DMD: variants seen among roughly 807,000 people sequenced by gnomAD.
DMD encodes dystrophin, also known as mutant dystrophin.
DMD carries 63 observed loss-of-function variants against 330.1 expected under a neutral mutation model. The ratio of observed to expected loss-of-function variants is 0.19; its 90% CI spans 0.16 to 0.24. The LOEUF (loss-of-function observed/expected upper bound fraction) is 0.24, where lower values mean the gene tolerates loss of function less well. Ranked by LOEUF, DMD falls within the 10% of genes least tolerant of loss-of-function variation. The pLI is 1.00. For synonymous variants in DMD, 1,223 were observed against 959.8 expected, an observed-to-expected ratio of 1.27 and a Z score of -5.07; for missense variants, 3,344 against 2,684.1, an observed-to-expected ratio of 1.25 and a Z score of -5.43.
At chrX:31,305,716 A>G (rs1362234075) in intron 62 of DMD, among the ~76,000 whole-genome samples, 1 of 112,409 alleles carries the variant, frequency 8.9e-6, no homozygotes, top group African/African-American at 3.2e-5. Flanking sequence ...GCATTATAAC[A>G]AAGCACCAGC....
intron 63 of DMD, among the ~76,000 whole-genome samples, chrX:31,254,480 C>A (rs1212564152): frequency 9.0e-6 from 1 of 111,111 alleles, no homozygotes; most frequent in Non-Finnish European, 1.9e-5. Context: ...CCTCAGCCTC[C>A]TGAGTATCTG....
Position 32,710,010 on chromosome X carries a change from G to T in DMD, c.650-10717C>A, listed in dbSNP as rs1051817554. 4.5e-5 allele frequency among the ~76,000 whole-genome samples: 5 copies of T among 111,093 alleles called. No homozygotes were observed. In the East Asian group the frequency reaches 1.4e-3, roughly 31 times the overall value. On this transcript the variant is annotated intron_variant, in intron 7 of 78. Transcript: ENST00000357033. The stretch of plus-strand genomic sequence containing the variant: ...CTGAATGTAGAGTAAGACACATGTT[G>T]AAAATTGAGCACTGCTTGAAGGGGC...
intron 2 of DMD, among the ~76,000 whole-genome samples, chrX:32,881,996 A>G (rs915954057): frequency 8.9e-6 from 1 of 112,285 alleles, no homozygotes; most frequent in Non-Finnish European, 1.9e-5. Flanking sequence ...AGTTCCCTAG[A>G]CGTGCTTCTT....
intron 2 of DMD, among the ~76,000 whole-genome samples, chrX:32,937,757 T>C (rs747402139): frequency 9.1e-6 from 1 of 109,787 alleles, no homozygotes; most frequent in East Asian, 2.9e-4. Flanking sequence ...AACCTGTATC[T>C]GAACACGATG....
At chrX:31,669,221 C>T (rs893054947) in intron 53 of DMD, among the ~76,000 whole-genome samples, 9 of 112,007 alleles carry the variant, frequency 8.0e-5, no homozygotes, top group African/African-American at 2.9e-4. Context: ...TATACATTCC[C>T]ACCAATGATA....
intron 44 of DMD, among the ~76,000 whole-genome samples, chrX:32,214,884 AAAC>A (rs1305532868): frequency 5.3e-5 from 6 of 112,152 alleles, no homozygotes; most frequent in Non-Finnish European, 9.4e-5. Context: ...AGAAGCAGTT[AAAC>A]AACACACTTA....
chrX:32,313,636 G>T (rs183818661), intron 41 of DMD, among the ~76,000 whole-genome samples: 22 of 111,570 alleles, frequency 2.0e-4, no homozygotes, highest in African/African-American at 6.5e-4. Flanking sequence ...TGACATGATT[G>T]TATATTTAGA....
intron 7 of DMD, among the ~76,000 whole-genome samples, chrX:32,787,705 C>A (rs2075509097): frequency 9.5e-6 from 1 of 105,178 alleles, no homozygotes; most frequent in South Asian, 5.0e-4. Flanking sequence ...CCCACCCTCC[C>A]CACCATCATC....
chrX:31,892,499 T>G (rs2094270694), intron 47 of DMD, among the ~76,000 whole-genome samples: 1 of 111,472 alleles, frequency 9.0e-6, no homozygotes, highest in Non-Finnish European at 1.9e-5. Context: ...ATATTTTAAT[T>G]CATCCATGCA....
chrX:32,606,140 G>A (rs1383068275), intron 12 of DMD, among the ~76,000 whole-genome samples: 5 of 109,529 alleles, frequency 4.6e-5, no homozygotes, highest in Non-Finnish European at 7.7e-5. Context: ...CTTTCTAACT[G>A]TAATTTTTGT....
chrX:32,973,581 A>T (rs2092454837), intron 2 of DMD, among the ~76,000 whole-genome samples: 1 of 112,047 alleles, frequency 8.9e-6, no homozygotes. Flanking sequence ...CAACATAGCA[A>T]GTTCACATGT....
At chrX:32,713,073 AC>A (rs2065340461) in intron 7 of DMD, among the ~76,000 whole-genome samples, 1 of 111,766 alleles carries the variant, frequency 8.9e-6, no homozygotes, top group South Asian at 3.7e-4. Context: ...TCTATTCCAC[AC>A]CATTAAATTA....
At chrX:33,217,331 T>C (rs1379077452) in intron 1 of DMD, among the ~76,000 whole-genome samples, 3 of 111,700 alleles carry the variant, frequency 2.7e-5, no homozygotes, top group African/African-American at 9.7e-5. Context: ...TCACTGATGT[T>C]TTGATAGGAA....
rs749269000 is a variant in DMD at position 32,219,525 on chromosome X, AT to A, written c.6291-2463del. Among the ~76,000 whole-genome samples, 47 of 110,871 alleles carry A rather than the reference AT, an allele frequency of 4.2e-4. 1 individual carries two copies. Among genetic ancestry groups the A allele is most frequent in the Admixed American group, 1.1e-3 (11 of 10,371 alleles). Reference sequence around the variant, plus strand: ...AGTCAGAAAAATGAAATAATTTAAAATTTTTTTTTAAATGGCAGTCTCATAT... The same window carrying A: ...AGTCAGAAAAATGAAATAATTTAAAATTTTTTTTAAATGGCAGTCTCATAT... On this transcript the variant is annotated intron_variant, in intron 43 of 78. Transcript: ENST00000357033.
intron 55 of DMD, among the ~76,000 whole-genome samples, chrX:31,597,173 G>A (rs1410205909): frequency 9.0e-6 from 1 of 111,728 alleles, no homozygotes; most frequent in African/African-American, 3.3e-5. Context: ...CTGCTTTTGT[G>A]ACGCTTACAA....
rs58097229 is a variant in DMD, at chrX:31,356,924, CTT to C, written c.9085-8292_9085-8291del. Among the ~76,000 whole-genome samples, 187 of 74,257 alleles carry C rather than the reference CTT, an allele frequency of 2.5e-3. 1 individual carries two copies. The highest frequency in any genetic ancestry group is 0.024 in the Middle Eastern group (3 of 123). The allele number at this position is 74,257 out of a possible 115,157, so 64.5% of individuals were successfully genotyped here. A position where few individuals can be genotyped will look rare whatever the true frequency, so the allele number is the denominator to read the frequency against. ...AGATCATAGGAAGCATTTCTTCTGC[CTT>C]TTTTTTTTTTTTTTTTTTTGGTCTC... On this transcript the variant is annotated intron_variant, in intron 60 of 78. Transcript: ENST00000357033.
intron 55 of DMD, among the ~76,000 whole-genome samples, chrX:31,554,933 C>A (rs1317542392): frequency 4.5e-5 from 5 of 111,812 alleles, no homozygotes; most frequent in African/African-American, 1.6e-4. Context: ...TTATGAGGTG[C>A]TGTCTGAAAA....
In DMD at chrX:33,177,847, G is replaced by T. The variant is rs781380105; in HGVS notation, c.31+33435C>A. Among the ~76,000 whole-genome samples the T allele has an allele frequency of 2.7e-5, 3 of 111,779 alleles. No homozygotes were observed. In the East Asian group the frequency reaches 8.4e-4, roughly 31 times the overall value. On this transcript the variant is annotated intron_variant, in intron 1 of 78. Transcript: ENST00000357033. ...CTGAAACTTGATATCTGTTGACAAC[G>T]GGAAATATTTTCTTTAGTCTCATGA...
intron 16 of DMD, among the ~76,000 whole-genome samples, chrX:32,558,320 C>T (rs1312103889): frequency 8.9e-6 from 1 of 112,044 alleles, no homozygotes; most frequent in African/African-American, 3.2e-5. Flanking sequence ...CCTTCCTCTA[C>T]ATACCATCTA....
Sources: gnomAD v4.1 joint callset for allele counts (sites outside exome capture counted in the v4.1 genomes callset) on GRCh38, gnomAD v4.1.1 for gene constraint, MANE v1.5 for transcripts, NCBI Gene and HGNC (gene_info 2026-07-23, HGNC 2026-07-21) for gene names.